The following UNC13A variants were observed in gnomAD, a reference collection of about 807,000 sequenced individuals.
UNC13A encodes the protein unc-13 homolog A, also known as protein unc-13 homolog A.
Under a neutral mutation model 219.7 loss-of-function variants are expected in UNC13A, and 61 were observed. The ratio of observed to expected loss-of-function variants is 0.28; its 90% CI spans 0.23 to 0.34. The LOEUF is 0.34. Among genes scored for constraint, UNC13A ranks in the 10% least tolerant of loss-of-function variants. The pLI is 1.00. For synonymous variants in UNC13A, 920 were observed against 884.6 expected (o/e 1.04, Z -0.71); for missense variants, 1,476 against 2,270.3 (o/e 0.65, Z 7.11).
rs1277335477 is a variant in UNC13A at position 17,606,003 on chromosome 19, C to A, written c.*51G>T. The A allele has an allele frequency of 4.3e-6, 6 of 1,384,242 alleles. No homozygotes were observed. The highest frequency in any genetic ancestry group is 1.9e-6 in the Non-Finnish European group (2 of 1,072,458). 85.7% of individuals were successfully genotyped at this position (1,384,242 alleles called of 1,614,324 possible). A position where few individuals can be genotyped will look rare whatever the true frequency, so the allele number is the denominator to read the frequency against. On this transcript the variant is annotated 3_prime_UTR_variant, in exon 44 of 44. Transcript: ENST00000519716. ...ACCAAGGCGCAAGCCCCGTCCCTCC[C>A]CGCCCAGCGCCCTCCGCGCAGGCGC... is the stretch of plus-strand genomic sequence containing the variant.
chr19:17,655,544 T>G (rs1043996725), intron 10 of UNC13A, among the ~76,000 whole-genome samples, 162 bp from the exon 11 acceptor site: 2 of 151,858 alleles, frequency 1.3e-5, no homozygotes, highest in African/African-American at 4.8e-5. Context: ...TCAGTGCCCC[T>G]CACCCCTTCC....
chr19:17,605,787 C>G lies in UNC13A; in HGVS notation c.*267G>C. The G allele has an allele frequency of 2.4e-6, 1 of 414,454 alleles. No homozygotes were observed. The highest frequency in any genetic ancestry group is 4.2e-6 in the Non-Finnish European group (1 of 236,198). The allele number at this position is 414,454 out of a possible 1,614,324, so 25.7% of individuals were successfully genotyped here. A position where few individuals can be genotyped will look rare whatever the true frequency, so the allele number is the denominator to read the frequency against. Reference sequence around the variant, plus strand: ...TCCCCCATCCCAGCTCAAAATGCCCCCTAGGTGCTGGGGGCGTGGCCTCAA... The same window carrying G: ...TCCCCCATCCCAGCTCAAAATGCCCGCTAGGTGCTGGGGGCGTGGCCTCAA... On this transcript the variant is annotated 3_prime_UTR_variant, in exon 44 of 44. Coordinates refer to ENST00000519716, the MANE Select transcript of UNC13A (RefSeq NM_001080421.3).
In UNC13A at chr19:17,666,747, C is replaced by T. The variant is rs567116576; in HGVS notation, c.469-43G>A. The T allele has an allele frequency of 3.4e-6, 5 of 1,450,096 alleles. No individual in the cohort carries two copies. In the African/African-American group the frequency reaches 4.4e-5, roughly 13 times the overall value. The allele number at this position is 1,450,096 out of a possible 1,614,324, so 89.8% of individuals were successfully genotyped here. A position where few individuals can be genotyped will look rare whatever the true frequency, so the allele number is the denominator to read the frequency against. Reference sequence around the variant, plus strand: ...GGAGAAAGGGCTTCTCTCAGAGGGGCCAAAGGCCAGGGGACCAGGATAGTC... The same window carrying T: ...GGAGAAAGGGCTTCTCTCAGAGGGGTCAAAGGCCAGGGGACCAGGATAGTC... On this transcript the variant is annotated intron_variant, in intron 6 of 43. Transcript: ENST00000519716.
chr19:17,645,894 C>A, intron 18 of UNC13A, 51 bp from the exon 19 acceptor site: 1 of 1,590,068 alleles, frequency 6.3e-7, no homozygotes, highest in South Asian at 1.1e-5. Flanking sequence ...CAGTGTGAGT[C>A]CTGTCCTTGG....
At chr19:17,642,484 C>T (rs2076981633) in intron 20 of UNC13A, among the ~76,000 whole-genome samples, 1 of 152,186 alleles carries the variant, frequency 6.6e-6, no homozygotes, top group Admixed American at 6.5e-5. Context: ...CATTCACCAG[C>T]ATTTATTCAA....
chr19:17,617,541 T>C (rs577817425), intron 41 of UNC13A, among the ~76,000 whole-genome samples, 161 bp downstream of exon 41: 4 of 152,246 alleles, frequency 2.6e-5, no homozygotes, highest in East Asian at 1.9e-4. Context: ...CCCGCCCCCA[T>C]GAACCTTTGA....
chr19:17,606,395 C>A (rs1455852731), intron 43 of UNC13A, 41 bp from the exon 44 acceptor site: 1 of 1,529,764 alleles, frequency 6.5e-7, no homozygotes, highest in East Asian at 2.5e-5. Flanking sequence ...GCCACACCTA[C>A]TGTGATGCCC....
At chr19:17,662,971 G>T (rs2145883460) in intron 8 of UNC13A, among the ~76,000 whole-genome samples, 1 of 151,976 alleles carries the variant, frequency 6.6e-6, no homozygotes, top group African/African-American at 2.4e-5. Context: ...TTAGGGAGGG[G>T]GTGGCTTGCC....
intron 1 of UNC13A, among the ~76,000 whole-genome samples, chr19:17,679,856 C>A (rs1232437935): frequency 6.6e-6 from 1 of 152,168 alleles, no homozygotes; most frequent in Non-Finnish European, 1.5e-5. Context: ...AGCCTCAGCT[C>A]CTTCCTGCAG....
rs1380384809 is a variant in UNC13A at position 17,606,110 on chromosome 19, T to G, written c.5056A>C (p.Lys1686Gln). ...GCGGAGCGCGTGTCCGACTTGAGCT[T>G]CACGAACTCCTTGGCCACCTCGTCG... ...SNDEVAKEFVKLKSDTRSAEE... is the reference protein window; with the variant it reads ...SNDEVAKEFVQLKSDTRSAEE... The change falls in exon 44 of 44, where the codon AAG becomes CAG. Residue 1686 changes from lysine (K) to glutamine (Q), a missense_variant. Transcript: ENST00000519716. 4 of 1,596,928 alleles carry G rather than the reference T, an allele frequency of 2.5e-6. No homozygotes were observed.
chr19:17,613,432 A>C, intron 41 of UNC13A, among the ~76,000 whole-genome samples: 1 of 151,232 alleles, frequency 6.6e-6, no homozygotes, highest in Non-Finnish European at 1.5e-5. Context: ...GCAAAACCAA[A>C]CTCTTCCATG....
intron 15 of UNC13A, 113 bp from the exon 16 acceptor site, chr19:17,648,763 C>T: frequency 4.7e-6 from 7 of 1,505,364 alleles, no homozygotes; most frequent in Non-Finnish European, 6.4e-6. Flanking sequence ...TCCCCTGCCT[C>T]CACGCTGTCG....
chr19:17,619,436 TTC>T (rs1269753609), intron 38 of UNC13A, among the ~76,000 whole-genome samples: 2,302 of 71,726 alleles, frequency 0.032, 28 homozygotes, highest in Non-Finnish European at 0.056. Flanking sequence ...GATTTTTCTT[TTC>T]TTTTTTTTTT....
intron 8 of UNC13A, among the ~76,000 whole-genome samples, chr19:17,661,967 C>T (rs1440596386): frequency 3.3e-5 from 5 of 152,066 alleles, no homozygotes; most frequent in Non-Finnish European, 4.4e-5. Context: ...GAAGGCCGGG[C>T]GCAGTGGCTC....
chr19:17,656,207 T>G lies in UNC13A; in HGVS notation c.959A>C (p.Asp320Ala). ...CAGGTCCTCCTCCAGCTCTTCCTCA[T>G]CCTGGTCCCAGCGAGGCGAGTCTTT... is the stretch of plus-strand genomic sequence containing the variant. ...YHKDSPRWDQ[D>A]EEELEEDLED... The change falls in exon 10 of 44, where the codon GAT becomes GCT. Residue 320 changes from aspartate (D) to alanine (A), a missense_variant. Transcript: ENST00000519716. The G allele has an allele frequency of 6.4e-7, 1 of 1,552,290 alleles. No individual in the cohort carries two copies. Among genetic ancestry groups the G allele is most frequent in the Non-Finnish European group, 8.7e-7 (1 of 1,147,146 alleles).
At position 17,618,404 on chromosome 19, in the gene UNC13A, G is replaced by C. The variant is rs1309101634; in HGVS notation, c.4410+17C>G. On this transcript the variant is annotated intron_variant, in intron 40 of 43. Coordinates refer to ENST00000519716, the MANE Select transcript of UNC13A (RefSeq NM_001080421.3). ...CTACATCCCCCACCTGGGATGGGGA[G>C]GGGTAGGGCCTCTCACCTTGATGGT... is the stretch of plus-strand genomic sequence containing the variant. 1.3e-6 allele frequency: 2 copies of C among 1,566,950 alleles called. No homozygotes were observed. The highest frequency in any genetic ancestry group is 2.3e-5 in the South Asian group (2 of 85,492).
chr19:17,607,038 C>T (rs759452659), intron 43 of UNC13A, among the ~76,000 whole-genome samples: 2 of 152,034 alleles, frequency 1.3e-5, no homozygotes, highest in Non-Finnish European at 2.9e-5. Context: ...CTGAAGTACT[C>T]CGGCCCACCC....
At position 17,626,794 on chromosome 19, in the gene UNC13A, A is replaced by G. The variant is rs2076788327; in HGVS notation, c.3921-9T>C. 1 of 1,608,542 alleles carries G rather than the reference A, an allele frequency of 6.2e-7. No homozygotes were observed. Among genetic ancestry groups the G allele is most frequent in the Non-Finnish European group, 8.5e-7 (1 of 1,176,500 alleles). ...CAATGTGCGGCTGGAAGCTGGGGAC[A>G]CAGAAGGGAAGGGCTCAGACCACAG... On this transcript the variant is annotated splice_polypyrimidine_tract_variant and intron_variant, in intron 33 of 43. Coordinates refer to ENST00000519716, the MANE Select transcript of UNC13A (RefSeq NM_001080421.3).
At chr19:17,616,372 A>G in intron 41 of UNC13A, 1 of 662,186 alleles carries the variant, frequency 1.5e-6, no homozygotes, top group South Asian at 1.5e-5. Context: ...ACCGGGCACC[A>G]GGCGCGGGCG....
Sources: allele counts gnomAD v4.1 joint callset (sites outside exome capture counted in the v4.1 genomes callset), GRCh38; gene constraint gnomAD v4.1.1; transcripts MANE v1.5; gene names NCBI Gene and HGNC (gene_info 2026-07-23, HGNC 2026-07-21).